Variants in RABGAP1 observed in about 807,000 individuals in gnomAD.
RABGAP1 encodes the protein RAB GTPase activating protein 1, also known as rab GTPase-activating protein 1.
RABGAP1 carries 23 observed loss-of-function variants against 137.6 expected under a neutral mutation model. The ratio of observed to expected loss-of-function variants is 0.17; its 90% CI spans 0.12 to 0.24. The LOEUF (loss-of-function observed/expected upper bound fraction) is 0.24, where lower values mean the gene tolerates loss of function less well. Among genes scored for constraint, RABGAP1 ranks in the 10% least tolerant of loss-of-function variants. The pLI, the probability that RABGAP1 is intolerant of heterozygous loss-of-function variation, is 1.00. For missense variants in RABGAP1, 906 were observed against 1,275.8 expected, an observed-to-expected ratio of 0.71 and a Z score of 4.42; for synonymous variants, 451 against 450.7, an observed-to-expected ratio of 1.00 and a Z score of -0.01.
chr9:123,068,381 C>A (rs981716099), intron 14 of RABGAP1, among the ~76,000 whole-genome samples: 3 of 150,602 alleles, frequency 2.0e-5, no homozygotes, highest in Non-Finnish European at 4.4e-5. Flanking sequence ...AAATCCATAT[C>A]TAGACATTGG....
intron 13 of RABGAP1, among the ~76,000 whole-genome samples, chr9:123,022,626 C>T (rs185480158): frequency 2.4e-4 from 37 of 152,054 alleles, no homozygotes; most frequent in Admixed American, 1.0e-3. Context: ...AGGCTGGTCT[C>T]GAACTCCTGA....
At chr9:122,946,050 T>G (rs1833930731) in intron 1 of RABGAP1, 1 of 152,192 alleles carries the variant, frequency 6.6e-6, no homozygotes, top group Non-Finnish European at 1.5e-5. Flanking sequence ...GTTTGTTCTG[T>G]AACTGACTGA....
intron 6 of RABGAP1, among the ~76,000 whole-genome samples, chr9:122,992,061 G>C (rs2131793993): frequency 6.6e-6 from 1 of 151,378 alleles, no homozygotes; most frequent in East Asian, 1.9e-4. Flanking sequence ...TTTTGAGACA[G>C]AGCCTTGCTC....
At chr9:123,102,978 C>G in intron 25 of RABGAP1, 113 bp from the exon 26 acceptor site, 1 of 1,361,492 alleles carries the variant, frequency 7.3e-7, no homozygotes. Flanking sequence ...TGGGGGAATT[C>G]CCCGAGGCCT....
intron 13 of RABGAP1, 136 bp from the exon 14 acceptor site, chr9:123,065,212 T>C (rs778289005): frequency 2.2e-5 from 14 of 629,320 alleles, no homozygotes; most frequent in Non-Finnish European, 3.4e-5. Flanking sequence ...GAAGAGGCAG[T>C]AACTATGGGC....
chr9:123,006,580 C>T (rs185707708), intron 10 of RABGAP1, among the ~76,000 whole-genome samples: 37 of 152,128 alleles, frequency 2.4e-4, no homozygotes, highest in East Asian at 1.5e-3. Flanking sequence ...TAGAATCACA[C>T]GGTTGTAATT....
chr9:123,051,212 CTTGG>C (rs1424480786), intron 13 of RABGAP1, among the ~76,000 whole-genome samples: 24 of 46,106 alleles, frequency 5.2e-4, no homozygotes, highest in African/African-American at 1.5e-3. Flanking sequence ...TTTTATTCAC[CTTGG>C]TTTTTTTTTT....
chr9:122,980,893 A>G (rs932548888), intron 2 of RABGAP1, among the ~76,000 whole-genome samples: 4 of 152,174 alleles, frequency 2.6e-5, no homozygotes, highest in Non-Finnish European at 5.9e-5. Flanking sequence ...ATTTTCAGAA[A>G]GTACCAGAGA....
chr9:122,998,772 G>A lies in RABGAP1; in HGVS notation c.1374+6G>A, dbSNP rs605546. ...TCTTTTTGAAACTAAAACAGGTACT[G>A]TATTTTTCTATTAATATAGAAGGGG... On this transcript the variant is annotated splice_donor_region_variant and intron_variant, in intron 10 of 25. Transcript: ENST00000373647. The A allele has an allele frequency of 0.79, 1,228,885 of 1,549,416 alleles. 514,163 individuals carry two copies. Among genetic ancestry groups the A allele is most frequent in the Non-Finnish European group, 0.86 (975,999 of 1,132,322 alleles).
Position 123,099,558 on chromosome 9 carries a change from TCTC to T in RABGAP1, c.2889+10_2889+12del, listed in dbSNP as rs2035280888. The T allele has an allele frequency of 6.3e-7, 1 of 1,592,486 alleles. No individual in the cohort carries two copies. Among genetic ancestry groups the T allele is most frequent in the African/African-American group, 1.3e-5 (1 of 74,506 alleles). On this transcript the variant is annotated intron_variant, in intron 24 of 25. Transcript: ENST00000373647. Reference sequence around the variant, plus strand: ...AAATTGAGAAAATTCGGGTAAGACTTCTCTTTACCTAAAAGATTTTATACCACC... The same window carrying T: ...AAATTGAGAAAATTCGGGTAAGACTTTTTACCTAAAAGATTTTATACCACC...
At chr9:122,995,946 A>G (rs1452818640) in intron 6 of RABGAP1, 95 bp from the exon 7 acceptor site, 1 of 1,478,272 alleles carries the variant, frequency 6.8e-7, no homozygotes, top group African/African-American at 1.4e-5. Context: ...AGGCACAGAA[A>G]AGAATCAGAG....
the RABGAP1 span, among the ~76,000 whole-genome samples, chr9:122,934,936 T>G: frequency 1.6e-3 from 246 of 152,310 alleles, no homozygotes; most frequent in African/African-American, 5.2e-3. Flanking sequence ...ATTGGAGAGT[T>G]TAACCTTGAC....
chr9:123,033,814 G>C (rs577233910), intron 13 of RABGAP1: 1 of 152,314 alleles, frequency 6.6e-6, no homozygotes, highest in African/African-American at 2.4e-5. Context: ...TATTATATTG[G>C]AATCAATGAA....
rs543551277 is a variant in RABGAP1 at position 123,017,318 on chromosome 9, G to A, written c.1643+1682G>A. ...TCTTATACAACTTGGAATTCGTTTT[G>A]TTATCAAGCTTTGTTATTCATTTAA... On this transcript the variant is annotated intron_variant, in intron 12 of 25. Transcript: ENST00000373647. 1.3e-4 allele frequency among the ~76,000 whole-genome samples: 20 copies of A among 152,194 alleles called. No homozygotes were observed. The Middle Eastern group carries it at 0.01, about 78-fold the overall frequency.
intron 11 of RABGAP1, 82 bp from the exon 12 acceptor site, chr9:123,015,461 A>G (rs760842374): frequency 2.4e-6 from 2 of 846,836 alleles, no homozygotes; most frequent in African/African-American, 1.7e-5. Flanking sequence ...AAGTCTTTCA[A>G]ATTTGACTCT....
the RABGAP1 span, among the ~76,000 whole-genome samples, chr9:122,933,920 C>G: frequency 1.8e-4 from 16 of 88,196 alleles, no homozygotes; most frequent in African/African-American, 6.2e-4. Flanking sequence ...AGCCCTTTTT[C>G]CTTGAATTAT....
intron 6 of RABGAP1, among the ~76,000 whole-genome samples, chr9:122,994,409 T>C (rs1446923523): frequency 1.3e-5 from 2 of 152,246 alleles, no homozygotes; most frequent in Admixed American, 1.3e-4. Context: ...ATTGAGACCC[T>C]TCCATTTCCT....
intron 2 of RABGAP1, among the ~76,000 whole-genome samples, chr9:122,969,254 G>C (rs1835342695): frequency 6.6e-6 from 1 of 152,174 alleles, no homozygotes; most frequent in African/African-American, 2.4e-5. Flanking sequence ...ATACCATACA[G>C]CCTAGTTGTA....
chr9:122,941,265 G>A (rs1237086677), intron 1 of RABGAP1, among the ~76,000 whole-genome samples, 172 bp downstream of exon 1: 2 of 152,174 alleles, frequency 1.3e-5, no homozygotes, highest in African/African-American at 2.4e-5. Context: ...AGCCGTGATT[G>A]GGGGGAGGGG....
Sources: gnomAD v4.1 joint callset for allele counts (sites outside exome capture counted in the v4.1 genomes callset) on GRCh38, gnomAD v4.1.1 for gene constraint, MANE v1.5 for transcripts, NCBI Gene and HGNC (gene_info 2026-07-23, HGNC 2026-07-21) for gene names.